Variants in SPACA7 observed in about 807,000 individuals in gnomAD.
The protein encoded by SPACA7 is sperm acrosome-associated protein 7.
Under a neutral mutation model 26.3 loss-of-function variants are expected in SPACA7, and 19 were observed. The observed-to-expected ratio is 0.72, with a 90% CI of 0.50 to 1.06. The LOEUF (loss-of-function observed/expected upper bound fraction) is 1.06. SPACA7 is among the 50% of genes least tolerant of loss of function. The pLI is 0.00. For synonymous variants in SPACA7, 84 were observed against 84.5 expected, an observed-to-expected ratio of 0.99 and a Z score of 0.04; for missense variants, 211 against 229.9, an observed-to-expected ratio of 0.92 and a Z score of 0.53.
intron 1 of SPACA7, among the ~76,000 whole-genome samples, chr13:112,388,385 A>G (rs1241811046): frequency 6.6e-6 from 1 of 152,168 alleles, no homozygotes; most frequent in East Asian, 1.9e-4. Context: ...GGGGCTACAG[A>G]CAGACACTCT....
intron 5 of SPACA7, among the ~76,000 whole-genome samples, chr13:112,421,609 A>C (rs1875989711): frequency 6.6e-6 from 1 of 152,208 alleles, no homozygotes; most frequent in Non-Finnish European, 1.5e-5. Context: ...GCCAAGGGCC[A>C]AATATAAATA....
intron 3 of SPACA7, among the ~76,000 whole-genome samples, chr13:112,398,608 T>C (rs1238869514): frequency 6.6e-6 from 1 of 152,172 alleles, no homozygotes; most frequent in Non-Finnish European, 1.5e-5. Context: ...CAGTGAGTCA[T>C]GAACCAACAC....
chr13:112,382,826 A>T (rs564400676), intron 1 of SPACA7, among the ~76,000 whole-genome samples: 2 of 152,060 alleles, frequency 1.3e-5, no homozygotes, highest in Non-Finnish European at 2.9e-5. Flanking sequence ...TGTCTCTACT[A>T]AAAACACAAA....
At chr13:112,396,620 C>A (rs1885279425) in intron 2 of SPACA7, among the ~76,000 whole-genome samples, 1 of 152,206 alleles carries the variant, frequency 6.6e-6, no homozygotes, top group South Asian at 2.1e-4. Flanking sequence ...TTCTCCAAGA[C>A]CCCTATCTCA....
At chr13:112,399,780 A>G (rs2138953991) in intron 4 of SPACA7, among the ~76,000 whole-genome samples, 1 of 152,334 alleles carries the variant, frequency 6.6e-6, no homozygotes. Flanking sequence ...TAATTTATAA[A>G]GAAAAGAGGT....
At chr13:112,383,719 G>C (rs1884355886) in intron 1 of SPACA7, among the ~76,000 whole-genome samples, 2 of 152,222 alleles carry the variant, frequency 1.3e-5, no homozygotes, top group Admixed American at 1.3e-4. Flanking sequence ...CAGGGACTCT[G>C]TGTGGACAAG....
intron 1 of SPACA7, among the ~76,000 whole-genome samples, chr13:112,390,888 A>G (rs1426882925): frequency 2.6e-5 from 4 of 152,230 alleles, no homozygotes; most frequent in Non-Finnish European, 4.4e-5. Flanking sequence ...CCAAAGGTGA[A>G]GCAGAAGACA....
chr13:112,406,820 G>A (rs1026830492), intron 5 of SPACA7, among the ~76,000 whole-genome samples: 2 of 152,108 alleles, frequency 1.3e-5, no homozygotes, highest in Non-Finnish European at 1.5e-5. Context: ...AATATTCCTT[G>A]TTCTTAGGAT....
intron 1 of SPACA7, among the ~76,000 whole-genome samples, chr13:112,385,759 C>T (rs1225754131): frequency 6.6e-6 from 1 of 152,118 alleles, no homozygotes; most frequent in Non-Finnish European, 1.5e-5. Context: ...AACAAAAATG[C>T]ATTAAAGTTT....
intron 1 of SPACA7, among the ~76,000 whole-genome samples, chr13:112,376,882 A>G (rs1883732776): frequency 6.6e-6 from 1 of 152,208 alleles, no homozygotes; most frequent in African/African-American, 2.4e-5. Context: ...CACCTCATGT[A>G]AAACATTTTC....
intron 5 of SPACA7, among the ~76,000 whole-genome samples, chr13:112,421,544 C>CTTA (rs1364020589): frequency 5.9e-5 from 9 of 152,158 alleles, no homozygotes. Context: ...AATCCAAAAA[C>CTTA]ATCAATAATT....
intron 5 of SPACA7, among the ~76,000 whole-genome samples, chr13:112,431,342 A>G (rs1317442006): frequency 6.6e-6 from 1 of 152,216 alleles, no homozygotes; most frequent in Non-Finnish European, 1.5e-5. Flanking sequence ...TTCCCCATGT[A>G]GTCTGTAACT....
chr13:112,398,280 A>T, intron 3 of SPACA7, 142 bp downstream of exon 3: 1 of 636,738 alleles, frequency 1.6e-6, no homozygotes, highest in Non-Finnish European at 2.8e-6. Context: ...AGATGTGAAC[A>T]ATATGGCATC....
intron 1 of SPACA7, among the ~76,000 whole-genome samples, chr13:112,387,024 G>A (rs765702368): frequency 2.6e-5 from 4 of 152,188 alleles, no homozygotes; most frequent in Non-Finnish European, 5.9e-5. Flanking sequence ...TAAGAAATCA[G>A]AAAGGAATCA....
rs548224340 is a variant in SPACA7 at position 112,380,821 on chromosome 13, A to G, written c.94+4342A>G. The stretch of plus-strand genomic sequence containing the variant: ...TTTTTCTTCACCCTCATTATTTCCA[A>G]TAGTTTTAATTACACATGTTGATTA... On this transcript the variant is annotated intron_variant, in intron 1 of 6. Transcript: ENST00000283550. Among the ~76,000 whole-genome samples, 40 of 152,302 alleles carry G rather than the reference A, an allele frequency of 2.6e-4. No homozygotes were observed. The South Asian group carries it at 8.3e-3, about 32-fold the overall frequency.
chr13:112,423,435 A>G lies in SPACA7; in HGVS notation c.446-9009A>G, dbSNP rs563234016. On this transcript the variant is annotated intron_variant, in intron 5 of 6. Coordinates refer to ENST00000283550, the MANE Select transcript of SPACA7 (RefSeq NM_145248.5). ...AACAGGCAAAGTTGTCCAATACCAA[A>G]AAAGAACTAGGAGAAACAGAAACAA... Among the ~76,000 whole-genome samples, 32 of 152,360 alleles carry G rather than the reference A, an allele frequency of 2.1e-4. No homozygotes were observed. In the South Asian group the frequency reaches 6.6e-3, roughly 32 times the overall value.
At chr13:112,384,684 A>C (rs1335612580) in intron 1 of SPACA7, among the ~76,000 whole-genome samples, 2 of 152,184 alleles carry the variant, frequency 1.3e-5, no homozygotes, top group African/African-American at 4.8e-5. Context: ...AAATCTTAAA[A>C]GAAAAACCTT....
rs1883699540 is a variant in SPACA7 at position 112,376,359 on chromosome 13, CGTCCTTCTCCCTCAGCTGGAGG to C, written c.-25_-4del. 1 of 1,606,304 alleles carries C rather than the reference CGTCCTTCTCCCTCAGCTGGAGG, an allele frequency of 6.2e-7. No individual in the cohort carries two copies. Among genetic ancestry groups the C allele is most frequent in the Admixed American group, 1.7e-5 (1 of 59,136 alleles). On this transcript the variant is annotated 5_prime_UTR_variant, in exon 1 of 7. Transcript: ENST00000283550. ...GATGGGAAACTGTCAACCTTCAGAA[CGTCCTTCTCCCTCAGCTGGAGG>C]GAGCATGGCAGTGAGCCAAGGAGAC...
intron 1 of SPACA7, 76 bp from the exon 2 acceptor site, chr13:112,392,945 A>G (rs1482946893): frequency 1.5e-6 from 2 of 1,355,648 alleles, no homozygotes; most frequent in East Asian, 4.7e-5. Flanking sequence ...CACCCACAAA[A>G]CCATATCCAT....
Sources: allele counts gnomAD v4.1 joint callset (sites outside exome capture counted in the v4.1 genomes callset), GRCh38; gene constraint gnomAD v4.1.1; transcripts MANE v1.5; gene names NCBI Gene and HGNC (gene_info 2026-07-23, HGNC 2026-07-21).